The following ETFA variants were observed in gnomAD, a reference collection of about 807,000 sequenced individuals.
The protein encoded by ETFA is electron transfer flavoprotein subunit alpha.
Under a neutral mutation model 46.2 loss-of-function variants are expected in ETFA, and 22 were observed. That is an observed-to-expected ratio of 0.48 (90% confidence interval 0.34 to 0.68). The LOEUF is 0.68. Among genes scored for constraint, ETFA ranks in the 30% least tolerant of loss-of-function variants. ETFA has a pLI of 0.01. For synonymous variants in ETFA, 131 were observed against 139.9 expected (o/e 0.94, Z 0.45); for missense variants, 345 against 401.1 (o/e 0.86, Z 1.19).
chr15:76,254,772 G>C (rs2039333291), intron 9 of ETFA, among the ~76,000 whole-genome samples: 1 of 152,090 alleles, frequency 6.6e-6, no homozygotes, highest in Non-Finnish European at 1.5e-5. Context: ...TAAGGTAGTT[G>C]ATTTTAGGTA....
At chr15:76,255,901 G>GT (rs2039341250) in intron 9 of ETFA, among the ~76,000 whole-genome samples, 1 of 151,614 alleles carries the variant, frequency 6.6e-6, no homozygotes, top group Admixed American at 6.6e-5. Flanking sequence ...CATACTCACA[G>GT]TTTTTTGTTG....
intron 8 of ETFA, among the ~76,000 whole-genome samples, chr15:76,280,003 A>C (rs746635582): frequency 6.6e-6 from 1 of 151,298 alleles, no homozygotes; most frequent in Non-Finnish European, 1.5e-5. Context: ...GGCTCAAGAG[A>C]TCCTCCTGCC....
chr15:76,274,524 TC>T, intron 8 of ETFA, 30 bp from the exon 9 acceptor site: 1 of 1,555,398 alleles, frequency 6.4e-7, no homozygotes, highest in Non-Finnish European at 8.8e-7. Context: ...GTCATTTTTT[TC>T]AAGCTCTATT....
intron 10 of ETFA, 185 bp downstream of exon 10, chr15:76,231,148 G>T: frequency 1.7e-6 from 1 of 590,816 alleles, no homozygotes; most frequent in Non-Finnish European, 3.0e-6. Context: ...CCATGACACA[G>T]CACTGCCTCT....
intron 1 of ETFA, among the ~76,000 whole-genome samples, chr15:76,306,359 T>A (rs2039940734): frequency 6.9e-6 from 1 of 144,340 alleles, no homozygotes; most frequent in South Asian, 2.3e-4. Flanking sequence ...CTCCGCCTCC[T>A]GGGTTCAAGC....
intron 10 of ETFA, chr15:76,230,218 C>CCTTTTTTTTT (rs2039051682): frequency 2.1e-5 from 1 of 48,480 alleles, no homozygotes; most frequent in Admixed American, 2.4e-4. Flanking sequence ...ACTTATTGCA[C>CCTTTTTTTTT]TTTTTTTTTT....
At chr15:76,217,468 T>C (rs1169427627) in intron 11 of ETFA, 7 of 331,296 alleles carry the variant, frequency 2.1e-5, no homozygotes, top group Non-Finnish European at 3.7e-5. Context: ...CATCACTCTT[T>C]ATTAAAATCA....
intron 9 of ETFA, among the ~76,000 whole-genome samples, chr15:76,273,262 G>A (rs4886789): frequency 0.29 from 43,378 of 151,962 alleles, 6,599 homozygotes; most frequent in East Asian, 0.58. Context: ...CAAATACTTC[G>A]AAACAAACTT....
intron 8 of ETFA, among the ~76,000 whole-genome samples, chr15:76,275,826 CTT>C (rs2039585091): frequency 1.3e-5 from 2 of 152,170 alleles, no homozygotes; most frequent in African/African-American, 4.8e-5. Context: ...TCAAATAACA[CTT>C]TACTACTTCA....
intron 1 of ETFA, among the ~76,000 whole-genome samples, chr15:76,299,655 A>G (rs547268687): frequency 2.6e-5 from 4 of 152,260 alleles, no homozygotes; most frequent in African/African-American, 9.6e-5. Flanking sequence ...CTACTTCACA[A>G]TGACAACTAA....
intron 9 of ETFA, among the ~76,000 whole-genome samples, chr15:76,253,274 G>A (rs1057439847): frequency 6.6e-6 from 1 of 152,062 alleles, no homozygotes; most frequent in African/African-American, 2.4e-5. Flanking sequence ...ATATTCATAT[G>A]TAAATTATTG....
At chr15:76,255,366 T>C (rs1372729528) in intron 9 of ETFA, among the ~76,000 whole-genome samples, 1 of 152,228 alleles carries the variant, frequency 6.6e-6, no homozygotes, top group East Asian at 1.9e-4. Flanking sequence ...GCTGTTATTT[T>C]AGCTTTTCAA....
At chr15:76,243,618 GC>G (rs1159291471) in intron 9 of ETFA, among the ~76,000 whole-genome samples, 1 of 151,848 alleles carries the variant, frequency 6.6e-6, no homozygotes, top group Non-Finnish European at 1.5e-5. Flanking sequence ...GGCCAACGTG[GC>G]GAAACCCCGC....
At chr15:76,226,065 C>T (rs371354239) in intron 10 of ETFA, 136 bp from the exon 11 acceptor site, 33 of 635,430 alleles carry the variant, frequency 5.2e-5, no homozygotes, top group Admixed American at 1.1e-4. Flanking sequence ...TGTGTCAACA[C>T]TGTAAATTTA....
At chr15:76,281,677 A>C (rs2039653658) in intron 8 of ETFA, among the ~76,000 whole-genome samples, 1 of 151,884 alleles carries the variant, frequency 6.6e-6, no homozygotes, top group Non-Finnish European at 1.5e-5. Flanking sequence ...TTACAGGCGT[A>C]AGCCACCACG....
chr15:76,283,703 A>G, intron 8 of ETFA, 54 bp downstream of exon 8: 1 of 1,194,158 alleles, frequency 8.4e-7, no homozygotes, highest in Non-Finnish European at 1.2e-6. Flanking sequence ...ATAATGAAGA[A>G]AAAATATTTC....
intron 9 of ETFA, chr15:76,260,661 C>G (rs111411407): frequency 0.19 from 266,231 of 1,438,912 alleles, 6 homozygotes; most frequent in Non-Finnish European, 0.21. Flanking sequence ...TTCCAAAGGG[C>G]CCTCGGGGAT....
intron 9 of ETFA, among the ~76,000 whole-genome samples, chr15:76,243,820 CAAA>C (rs150900759): frequency 6.8e-5 from 8 of 117,768 alleles, no homozygotes; most frequent in Non-Finnish European, 1.1e-4. Context: ...AACAAACAAA[CAAA>C]AAAAAAACAA....
chr15:76,285,539 T>G (rs2039696878), intron 7 of ETFA, 98 bp downstream of exon 7: 4 of 738,338 alleles, frequency 5.4e-6, no homozygotes, highest in Non-Finnish European at 9.5e-6. Context: ...TTCTTACATT[T>G]GAAAAAGATC....
Sources: gnomAD v4.1 joint callset for allele counts (sites outside exome capture counted in the v4.1 genomes callset) on GRCh38, gnomAD v4.1.1 for gene constraint, MANE v1.5 for transcripts, NCBI Gene and HGNC (gene_info 2026-07-23, HGNC 2026-07-21) for gene names.